Variants in SLC8A1 observed in about 807,000 individuals in gnomAD.
The protein encoded by SLC8A1 is solute carrier family 8 member A1, also known as sodium/calcium exchanger 1.
Under a neutral mutation model 68.3 loss-of-function variants are expected in SLC8A1, and 18 were observed. The observed-to-expected ratio is 0.26, with a 90% CI of 0.18 to 0.39. SLC8A1 has a LOEUF of 0.39. SLC8A1 is among the 10% of genes least tolerant of loss of function. The pLI, the probability that SLC8A1 is intolerant of heterozygous loss-of-function variation, is 1.00. For synonymous variants in SLC8A1, 475 were observed against 415.5 expected, an observed-to-expected ratio of 1.14 and a Z score of -1.74; for missense variants, 985 against 1,156.7, an observed-to-expected ratio of 0.85 and a Z score of 2.15.
intron 2 of SLC8A1, among the ~76,000 whole-genome samples, chr2:40,368,630 A>G (rs1205684725): frequency 6.6e-6 from 1 of 152,068 alleles, no homozygotes; most frequent in Non-Finnish European, 1.5e-5. Context: ...GTACAAGTGT[A>G]GGTTTGTTAC....
intron 2 of SLC8A1, among the ~76,000 whole-genome samples, chr2:40,381,130 A>T (rs967351): frequency 0.73 from 111,579 of 151,884 alleles, 42,397 homozygotes; most frequent in African/African-American, 0.93. Flanking sequence ...TATATCCACA[A>T]CAACAACCTC....
intron 2 of SLC8A1, among the ~76,000 whole-genome samples, chr2:40,330,232 T>TAA: frequency 6.6e-6 from 1 of 152,282 alleles, no homozygotes; most frequent in Middle Eastern, 3.4e-3. Context: ...AGAGGCAGGA[T>TAA]GATAGTATAT....
At chr2:40,196,865 A>G (rs1024872002) in intron 2 of SLC8A1, among the ~76,000 whole-genome samples, 1 of 152,006 alleles carries the variant, frequency 6.6e-6, no homozygotes, top group Non-Finnish European at 1.5e-5. Context: ...GATTCTTCAC[A>G]CTGTATTTTA....
At chr2:40,156,155 G>A (rs930878839) in intron 6 of SLC8A1, among the ~76,000 whole-genome samples, 6 of 152,112 alleles carry the variant, frequency 3.9e-5, no homozygotes, top group Non-Finnish European at 8.8e-5. Context: ...AAAATCCAAC[G>A]GGCCATGAAG....
At chr2:40,110,343 T>C (rs1452171400) in exon 8 of SLC8A1, 1 of 152,154 alleles carries the variant, frequency 6.6e-6, no homozygotes, top group African/African-American at 2.4e-5. Context: ...ATGTACTGCG[T>C]GATGGGAAGA....
chr2:40,483,348 G>T (rs1704762323), intron 1 of SLC8A1, among the ~76,000 whole-genome samples: 1 of 151,870 alleles, frequency 6.6e-6, no homozygotes, highest in Admixed American at 6.6e-5. Context: ...ATACACATCT[G>T]GCCCCCAGAA....
intron 1 of SLC8A1, among the ~76,000 whole-genome samples, chr2:40,449,223 C>T (rs2149866020): frequency 6.6e-6 from 1 of 151,056 alleles, no homozygotes; most frequent in African/African-American, 2.4e-5. Context: ...AATGCACTTA[C>T]TTTGAGACAA....
At chr2:40,304,455 G>C (rs2072177976) in intron 2 of SLC8A1, among the ~76,000 whole-genome samples, 1 of 152,112 alleles carries the variant, frequency 6.6e-6, no homozygotes, top group Admixed American at 6.5e-5. Context: ...TGAGTAACTT[G>C]ATTCTCCTAA....
chr2:40,420,099 G>C (rs150295215), intron 2 of SLC8A1, among the ~76,000 whole-genome samples: 26 of 152,088 alleles, frequency 1.7e-4, no homozygotes, highest in African/African-American at 4.6e-4. Context: ...TCAGAAATAA[G>C]AATGACTTGG....
At chr2:40,348,944 C>G (rs1670206779) in intron 2 of SLC8A1, among the ~76,000 whole-genome samples, 1 of 152,118 alleles carries the variant, frequency 6.6e-6, no homozygotes. Flanking sequence ...TGAATCTTCC[C>G]ACTAATAAAT....
intron 1 of SLC8A1, among the ~76,000 whole-genome samples, chr2:40,462,746 T>C (rs1703421331): frequency 6.6e-6 from 1 of 152,030 alleles, no homozygotes. Flanking sequence ...AGTTTGAAGC[T>C]GCAGTGAGCC....
chr2:40,172,765 A>G (rs987564295), intron 4 of SLC8A1, among the ~76,000 whole-genome samples: 5 of 152,024 alleles, frequency 3.3e-5, no homozygotes, highest in African/African-American at 1.2e-4. Flanking sequence ...ACATGGTGAA[A>G]CCTTGTCTCT....
intron 2 of SLC8A1, among the ~76,000 whole-genome samples, chr2:40,343,459 T>C (rs1447454951): frequency 1.3e-5 from 2 of 152,182 alleles, no homozygotes. Flanking sequence ...ACATCACAAA[T>C]TACCCTAAAT....
At chr2:40,105,861 T>A (rs947900037) in exon 8 of SLC8A1, 2 of 152,274 alleles carry the variant, frequency 1.3e-5, no homozygotes, top group Non-Finnish European at 2.9e-5. Flanking sequence ...CTTTGCCTAG[T>A]TCCTGACCAC....
At chr2:40,352,885 C>A (rs576757651) in intron 2 of SLC8A1, among the ~76,000 whole-genome samples, 1 of 152,138 alleles carries the variant, frequency 6.6e-6, no homozygotes, top group Non-Finnish European at 1.5e-5. Context: ...ACGTCTGTAT[C>A]CAGTAAGAGC....
At chr2:40,430,945 A>G (rs1698142998) in intron 1 of SLC8A1, among the ~76,000 whole-genome samples, 1 of 152,192 alleles carries the variant, frequency 6.6e-6, no homozygotes, top group Non-Finnish European at 1.5e-5. Flanking sequence ...CCTGAAATCA[A>G]AGCTCAATGG....
intron 2 of SLC8A1, among the ~76,000 whole-genome samples, chr2:40,263,673 A>G (rs2064996850): frequency 6.6e-6 from 1 of 152,194 alleles, no homozygotes; most frequent in African/African-American, 2.4e-5. Context: ...AGAAAGCTGA[A>G]ACTGGATCCC....
intron 2 of SLC8A1, among the ~76,000 whole-genome samples, chr2:40,328,662 T>A (rs2076097567): frequency 1.3e-5 from 2 of 152,232 alleles, no homozygotes; most frequent in South Asian, 2.1e-4. Context: ...GGTCTCTAGA[T>A]AATCTGAAAG....
intron 7 of SLC8A1, among the ~76,000 whole-genome samples, chr2:40,137,682 CA>C (rs2040778462): frequency 6.6e-6 from 1 of 151,970 alleles, no homozygotes; most frequent in South Asian, 2.1e-4. Flanking sequence ...GAAAAAGATG[CA>C]AAGAAAAGGA....
Sources: allele counts gnomAD v4.1 joint callset (sites outside exome capture counted in the v4.1 genomes callset), GRCh38; gene constraint gnomAD v4.1.1; transcripts MANE v1.5; gene names NCBI Gene and HGNC (gene_info 2026-07-23, HGNC 2026-07-21).